PRICKLE1: variants seen among roughly 807,000 people sequenced by gnomAD.
PRICKLE1 encodes prickle planar cell polarity protein 1.
A neutral mutation model predicts 70.2 loss-of-function variants in PRICKLE1; 14 were observed. The observed-to-expected ratio is 0.20, with a 90% CI of 0.13 to 0.31. PRICKLE1 has a LOEUF of 0.31. Ranked by LOEUF, PRICKLE1 falls within the 10% of genes least tolerant of loss-of-function variation. The pLI, the probability that PRICKLE1 is intolerant of heterozygous loss-of-function variation, is 1.00. For missense variants in PRICKLE1, 821 were observed against 1,026.2 expected (o/e 0.80, Z 2.73); for synonymous variants, 357 against 379.9 (o/e 0.94, Z 0.70).
At chr12:42,562,967 G>C (rs574319892) in intron 1 of PRICKLE1, among the ~76,000 whole-genome samples, 1 of 151,700 alleles carries the variant, frequency 6.6e-6, no homozygotes, top group South Asian at 2.1e-4. Flanking sequence ...AGGCGGGCCT[G>C]AGGTCAGGAG....
intron 1 of PRICKLE1, among the ~76,000 whole-genome samples, chr12:42,497,564 A>AT (rs1332082611): frequency 1.3e-5 from 2 of 151,760 alleles, no homozygotes; most frequent in East Asian, 3.9e-4. Context: ...AAAAAAAAAA[A>AT]AATTCGATTA....
intron 4 of PRICKLE1, 23 bp from the exon 5 acceptor site, chr12:42,468,852 G>A (rs1432875764): frequency 6.2e-7 from 1 of 1,607,042 alleles, no homozygotes; most frequent in Admixed American, 1.7e-5. Context: ...GGGTTTGAAT[G>A]TAAAAGGATC....
At chr12:42,564,632 C>T (rs1940592496) in intron 1 of PRICKLE1, among the ~76,000 whole-genome samples, 1 of 152,064 alleles carries the variant, frequency 6.6e-6, no homozygotes, top group Non-Finnish European at 1.5e-5. Context: ...GAAAAGAAAT[C>T]TTTCTTGAGG....
rs759969939 is a variant in PRICKLE1, at chr12:42,468,628, C to T, written c.586G>A (p.Glu196Lys). The T allele has an allele frequency of 3.1e-6, 5 of 1,613,678 alleles. No homozygotes were observed. Among genetic ancestry groups the T allele is most frequent in the Non-Finnish European group, 4.2e-6 (5 of 1,179,808 alleles). Residue 196 changes from glutamate (E) to lysine (K), a missense_variant and splice_region_variant, in exon 5 of 8, where the codon GAG becomes AAG. Glu to Lys is a moderately conservative substitution (Grantham distance 56). Transcript: ENST00000345127. ...TGAAAGGATGAACTTTTTTTTACCT[C>T]GTCACATGCTGAGCACCGTGGTTTG... ...LLKPRCSACDEIIFADECTEA... is the reference protein window; with the variant it reads ...LLKPRCSACDKIIFADECTEA...
At chr12:42,569,221 A>C (rs1940669413) in intron 1 of PRICKLE1, among the ~76,000 whole-genome samples, 1 of 152,248 alleles carries the variant, frequency 6.6e-6, no homozygotes, top group African/African-American at 2.4e-5. Flanking sequence ...GTATTAAAAT[A>C]ACTCAGTAAT....
chr12:42,482,699 G>A (rs1413607844), intron 1 of PRICKLE1: 1 of 152,236 alleles, frequency 6.6e-6, no homozygotes, highest in Non-Finnish European at 1.5e-5. Context: ...CACATAGCCT[G>A]GCTTATAAGG....
chr12:42,518,376 T>C (rs1221832581), intron 1 of PRICKLE1, among the ~76,000 whole-genome samples: 1 of 152,220 alleles, frequency 6.6e-6, no homozygotes, highest in Non-Finnish European at 1.5e-5. Flanking sequence ...CTATGATCAC[T>C]TGTCTACTAA....
chr12:42,503,131 G>A (rs1201740397), intron 1 of PRICKLE1, among the ~76,000 whole-genome samples: 1 of 152,206 alleles, frequency 6.6e-6, no homozygotes, highest in Non-Finnish European at 1.5e-5. Context: ...CTAGGCCAAA[G>A]ATAAGAGACG....
intron 1 of PRICKLE1, among the ~76,000 whole-genome samples, chr12:42,548,674 T>A (rs905711491): frequency 6.6e-6 from 1 of 152,080 alleles, no homozygotes; most frequent in Admixed American, 6.5e-5. Context: ...TTGTGTTGAG[T>A]CTTTGAGGTG....
intron 1 of PRICKLE1, chr12:42,550,457 T>C (rs1380609339): frequency 6.6e-6 from 1 of 152,238 alleles, no homozygotes; most frequent in African/African-American, 2.4e-5. Context: ...TTAGTTTATT[T>C]ACTGGAAGAG....
In PRICKLE1 at chr12:42,472,372, A is replaced by G. The variant is rs1938358955; in HGVS notation, c.132+13T>C. On this transcript the variant is annotated intron_variant, in intron 2 of 7. Transcript: ENST00000345127. ...AAAAACAAAGAGTAAATATAGGATG[A>G]TGAAGTTCCTACCTGCTCTGGTCTC... 1 of 1,613,956 alleles carries G rather than the reference A, an allele frequency of 6.2e-7. No homozygotes were observed. Among genetic ancestry groups the G allele is most frequent in the Non-Finnish European group, 8.5e-7 (1 of 1,180,010 alleles).
chr12:42,527,146 T>TC (rs1939818924), intron 1 of PRICKLE1, among the ~76,000 whole-genome samples: 2 of 76,728 alleles, frequency 2.6e-5, no homozygotes, highest in African/African-American at 9.2e-5. Context: ...TTTTTTTTTT[T>TC]TTTTGGGACG....
At chr12:42,583,460 G>A (rs1940937383) in intron 1 of PRICKLE1, among the ~76,000 whole-genome samples, 1 of 152,104 alleles carries the variant, frequency 6.6e-6, no homozygotes, top group African/African-American at 2.4e-5. Flanking sequence ...AGCATCTTTT[G>A]GTGGGCTATT....
chr12:42,519,671 C>T (rs939741156), intron 1 of PRICKLE1, among the ~76,000 whole-genome samples: 1 of 152,206 alleles, frequency 6.6e-6, no homozygotes, highest in African/African-American at 2.4e-5. Context: ...TGGATGAATG[C>T]TTACACAAAT....
chr12:42,543,367 C>CTT (rs35278944), intron 1 of PRICKLE1, among the ~76,000 whole-genome samples: 29,061 of 143,164 alleles, frequency 0.2, 3,069 homozygotes, highest in East Asian at 0.3. Flanking sequence ...ATGTATAACT[C>CTT]TTTTTTTTTT....
At chr12:42,575,270 G>C (rs1479212618) in intron 1 of PRICKLE1, among the ~76,000 whole-genome samples, 1 of 151,996 alleles carries the variant, frequency 6.6e-6, no homozygotes, top group Non-Finnish European at 1.5e-5. Context: ...AGAACCTTAA[G>C]GCCAGCCACA....
At chr12:42,513,403 T>TACTG (rs1197802847) in intron 1 of PRICKLE1, among the ~76,000 whole-genome samples, 2 of 152,172 alleles carry the variant, frequency 1.3e-5, no homozygotes, top group African/African-American at 4.8e-5. Context: ...TTAATATTTG[T>TACTG]TAAATGAATA....
chr12:42,493,001 G>T (rs1386648498), intron 1 of PRICKLE1, among the ~76,000 whole-genome samples: 1 of 151,994 alleles, frequency 6.6e-6, no homozygotes, highest in African/African-American at 2.4e-5. Context: ...TCAGAATCTT[G>T]CGCATACTAA....
At chr12:42,575,227 A>G (rs1322565830) in intron 1 of PRICKLE1, among the ~76,000 whole-genome samples, 1 of 152,190 alleles carries the variant, frequency 6.6e-6, no homozygotes, top group East Asian at 1.9e-4. Flanking sequence ...GGTAAATGCC[A>G]TATTTATGAA....
Sources: gnomAD v4.1 joint callset for allele counts (sites outside exome capture counted in the v4.1 genomes callset) on GRCh38, gnomAD v4.1.1 for gene constraint, MANE v1.5 for transcripts, NCBI Gene and HGNC (gene_info 2026-07-23, HGNC 2026-07-21) for gene names.